GALNT18: variants seen among roughly 807,000 people sequenced by gnomAD.
GALNT18 encodes the protein GalNAc-transferase 18.
GALNT18 carries 44 observed loss-of-function variants against 69.5 expected under a neutral mutation model. The ratio of observed to expected loss-of-function variants is 0.63; its 90% CI spans 0.50 to 0.81. GALNT18 has a LOEUF of 0.81. GALNT18 is among the 40% of genes least tolerant of loss of function. The pLI is 0.00. For missense variants in GALNT18, 715 were observed against 810.0 expected, an observed-to-expected ratio of 0.88 and a Z score of 1.42; for synonymous variants, 364 against 318.2, an observed-to-expected ratio of 1.14 and a Z score of -1.53.
At position 11,470,564 on chromosome 11, in the gene GALNT18, G is replaced by A. The variant is rs61671618; in HGVS notation, c.236-21628C>T. Among the ~76,000 whole-genome samples, 6,887 of 152,144 alleles carry A rather than the reference G, an allele frequency of 0.045. 403 individuals are homozygous for A. The highest frequency in any genetic ancestry group is 0.14 in the African/African-American group (5,780 of 41,482). ...GGGGATAGTGATAGGATGACTAATC[G>A]CTAGCTAATTTTGATCTTTTGATCT... On this transcript the variant is annotated intron_variant, in intron 1 of 10. Transcript: ENST00000227756. The surrounding 1 kb of genome is among the most constrained non-coding windows in gnomAD (Gnocchi z 4.8).
At chr11:11,597,436 AT>A (rs1217968563) in intron 1 of GALNT18, among the ~76,000 whole-genome samples, 1 of 152,084 alleles carries the variant, frequency 6.6e-6, no homozygotes, top group Non-Finnish European at 1.5e-5. Flanking sequence ...CTTTGGGAGA[AT>A]TTTTTAAATC....
rs1479963790 is a variant in GALNT18, at chr11:11,463,105, G to A, written c.236-14169C>T. ...AGAGGATATCAATCACAAGACCCTG[G>A]AACTATTAGTACAGTCTCCCACAAG... is the stretch of plus-strand genomic sequence containing the variant. On this transcript the variant is annotated intron_variant, in intron 1 of 10. Coordinates refer to ENST00000227756, the MANE Select transcript of GALNT18 (RefSeq NM_198516.3). The surrounding 1 kb of genome is among the most constrained non-coding windows in gnomAD (Gnocchi z 4.2). Among the ~76,000 whole-genome samples, 2 of 152,042 alleles carry A rather than the reference G, an allele frequency of 1.3e-5. No individual in the cohort carries two copies. Among genetic ancestry groups the A allele is most frequent in the Admixed American group, 6.5e-5 (1 of 15,270 alleles).
chr11:11,484,529 G>A (rs779046238), intron 1 of GALNT18, among the ~76,000 whole-genome samples: 44 of 145,158 alleles, frequency 3.0e-4, no homozygotes, highest in Non-Finnish European at 3.6e-4. Context: ...GGAGGCGGAG[G>A]TTGTGGTGAG....
chr11:11,568,357 G>T lies in GALNT18; in HGVS notation c.235+53002C>A, dbSNP rs568674831. 3.3e-5 allele frequency among the ~76,000 whole-genome samples: 5 copies of T among 152,180 alleles called. No individual in the cohort carries two copies. In the South Asian group the frequency reaches 1.0e-3, roughly 32 times the overall value. On this transcript the variant is annotated intron_variant, in intron 1 of 10. Coordinates refer to ENST00000227756, the MANE Select transcript of GALNT18 (RefSeq NM_198516.3). Reference sequence around the variant, plus strand: ...CAGCTCTTTGCACCTATGTCCTGTGGCTCCTATCACCCACCTAACAAAGCC... The same window carrying T: ...CAGCTCTTTGCACCTATGTCCTGTGTCTCCTATCACCCACCTAACAAAGCC...
chr11:11,384,068 G>T (rs1267872790), intron 3 of GALNT18, among the ~76,000 whole-genome samples: 1 of 151,582 alleles, frequency 6.6e-6, no homozygotes, highest in African/African-American at 2.4e-5. Flanking sequence ...ATAATCTTTG[G>T]CATGACTTGA....
At position 11,337,176 on chromosome 11, in the gene GALNT18, C is replaced by A. The variant is rs562968760; in HGVS notation, c.1278+3643G>T. Among the ~76,000 whole-genome samples the A allele has an allele frequency of 6.6e-6, 1 of 152,104 alleles. No individual in the cohort carries two copies. Among genetic ancestry groups the A allele is most frequent in the South Asian group, 2.1e-4 (1 of 4,814 alleles). Reference sequence around the variant, plus strand: ...AGTATTTTTTTAAAAGTTCTTCAAGCGATTCTGATGCAGTTGGTCTGAAGA... The same window carrying A: ...AGTATTTTTTTAAAAGTTCTTCAAGAGATTCTGATGCAGTTGGTCTGAAGA... On this transcript the variant is annotated intron_variant, in intron 7 of 10. Transcript: ENST00000227756. The surrounding 1 kb of genome is among the most constrained non-coding windows in gnomAD (Gnocchi z 4.9).
At chr11:11,554,358 G>C (rs1858277385) in intron 1 of GALNT18, among the ~76,000 whole-genome samples, 1 of 152,050 alleles carries the variant, frequency 6.6e-6, no homozygotes, top group South Asian at 2.1e-4. Context: ...AGAAGTGGGG[G>C]ACCACCGTGA....
At chr11:11,420,613 G>A (rs1170253057) in intron 3 of GALNT18, among the ~76,000 whole-genome samples, 1 of 152,224 alleles carries the variant, frequency 6.6e-6, no homozygotes, top group Non-Finnish European at 1.5e-5. Context: ...GGAGGACCCT[G>A]GCATACAAGG....
At chr11:11,379,408 C>T in intron 3 of GALNT18, 144 bp from the exon 4 acceptor site, 2 of 713,154 alleles carry the variant, frequency 2.8e-6, no homozygotes, top group East Asian at 2.6e-5. Flanking sequence ...CAGTGGTCCC[C>T]ACAGTGGCCA....
chr11:11,375,708 G>A (rs569320790), intron 5 of GALNT18, among the ~76,000 whole-genome samples: 4 of 152,310 alleles, frequency 2.6e-5, no homozygotes, highest in East Asian at 1.9e-4. Context: ...AACAGGTTGC[G>A]ATGATGATCA....
At chr11:11,275,044 C>T (rs1420594075) in intron 10 of GALNT18, among the ~76,000 whole-genome samples, 1 of 152,200 alleles carries the variant, frequency 6.6e-6, no homozygotes, top group Admixed American at 6.5e-5. Context: ...ATTTATGATA[C>T]TTTGGGTACA....
chr11:11,304,255 C>T (rs1053758243), intron 9 of GALNT18, among the ~76,000 whole-genome samples: 1 of 152,196 alleles, frequency 6.6e-6, no homozygotes, highest in African/African-American at 2.4e-5. Flanking sequence ...GGAATCACCC[C>T]AGGTTTTCTC....
rs370639552 is a variant in GALNT18, at chr11:11,557,739, T to C, written c.235+63620A>G. Reference sequence around the variant, plus strand: ...AGAAGCAAAGCAATGGCATCTGAGGTTGCTGGGATTACAGCCCAGTTCCTT... The same window carrying C: ...AGAAGCAAAGCAATGGCATCTGAGGCTGCTGGGATTACAGCCCAGTTCCTT... On this transcript the variant is annotated intron_variant, in intron 1 of 10. Transcript: ENST00000227756. Among the ~76,000 whole-genome samples, 16 of 152,220 alleles carry C rather than the reference T, an allele frequency of 1.1e-4. No individual in the cohort carries two copies. In the South Asian group the frequency reaches 2.1e-3, roughly 20 times the overall value.
At position 11,621,953 on chromosome 11, in the gene GALNT18, C is replaced by G; in HGVS notation, c.-360G>C. On this transcript the variant is annotated 5_prime_UTR_variant, in exon 1 of 11. Coordinates refer to ENST00000227756, the MANE Select transcript of GALNT18 (RefSeq NM_198516.3). This position sits in a 1 kb window ranked among gnomAD's most constrained non-coding sequence, Gnocchi z 9.3. ...TCGGCGGCCACGCCGCTTCCCATCG[C>G]CAGCGCCGGCTGCCTTGGCGGTCCG... The G allele has an allele frequency of 5.7e-6, 1 of 176,794 alleles. No individual in the cohort carries two copies. Among genetic ancestry groups the G allele is most frequent in the East Asian group, 1.5e-4 (1 of 6,466 alleles). 11.0% of individuals were successfully genotyped at this position (176,794 alleles called of 1,614,324 possible).
intron 7 of GALNT18, among the ~76,000 whole-genome samples, chr11:11,334,452 A>G (rs1850074674): frequency 6.6e-6 from 1 of 151,948 alleles, no homozygotes; most frequent in South Asian, 2.1e-4. Flanking sequence ...CTGAGGCAGG[A>G]GAATGGTGTG....
rs1013781911 is a variant in GALNT18, at chr11:11,281,840, C to T, written c.1678-10550G>A. On this transcript the variant is annotated intron_variant, in intron 10 of 10. Coordinates refer to ENST00000227756, the MANE Select transcript of GALNT18 (RefSeq NM_198516.3). ...TTGGGGGAGGCGGGTGGATGGGACA[C>T]AACCTCCGTGAGAATATCTGAGCCT... Among the ~76,000 whole-genome samples, 84 of 152,086 alleles carry T rather than the reference C, an allele frequency of 5.5e-4. 4 individuals carry two copies. The highest frequency in any genetic ancestry group is 5.2e-3 in the Admixed American group (79 of 15,296).
rs189508329 is a variant in GALNT18, at chr11:11,458,404, A to T, written c.236-9468T>A. Reference sequence around the variant, plus strand: ...AAATGTACAATTCAATGATTTTTTTAAAAAAACTTTTCTTCCACTCCTGCA... The same window carrying T: ...AAATGTACAATTCAATGATTTTTTTTAAAAAACTTTTCTTCCACTCCTGCA... On this transcript the variant is annotated intron_variant, in intron 1 of 10. Transcript: ENST00000227756. Among the ~76,000 whole-genome samples, 123 of 152,264 alleles carry T rather than the reference A, an allele frequency of 8.1e-4. 2 individuals carry two copies. Among genetic ancestry groups the T allele is most frequent in the African/African-American group, 2.2e-3 (93 of 41,556 alleles).
At chr11:11,479,109 T>A (rs1856468280) in intron 1 of GALNT18, among the ~76,000 whole-genome samples, 1 of 152,238 alleles carries the variant, frequency 6.6e-6, no homozygotes, top group Non-Finnish European at 1.5e-5. Flanking sequence ...TAATTTCTGG[T>A]TGCCTTGACT....
In GALNT18 at chr11:11,505,122, A is replaced by G. The variant is rs990387683; in HGVS notation, c.236-56186T>C. On this transcript the variant is annotated intron_variant, in intron 1 of 10. Transcript: ENST00000227756. This position sits in a 1 kb window ranked among gnomAD's most constrained non-coding sequence, Gnocchi z 4.6. ...TGCCACCTTGAGGGGATGACATTTGAAGAGGGCTTGAAGAATGAGTGGAGT... is the reference window on the plus strand; with the variant it reads ...TGCCACCTTGAGGGGATGACATTTGGAGAGGGCTTGAAGAATGAGTGGAGT... Among the ~76,000 whole-genome samples the G allele has an allele frequency of 7.9e-5, 12 of 152,214 alleles. No homozygotes were observed. The highest frequency in any genetic ancestry group is 2.9e-4 in the African/African-American group (12 of 41,462).
Sources: gnomAD v4.1 joint callset for allele counts (sites outside exome capture counted in the v4.1 genomes callset) on GRCh38, gnomAD v4.1.1 for gene constraint, Gnocchi (gnomAD v3.1) non-coding constraint, MANE v1.5 for transcripts, NCBI Gene and HGNC (gene_info 2026-07-23, HGNC 2026-07-21) for gene names.